RARB: variants seen among roughly 807,000 people sequenced by gnomAD.
The protein encoded by RARB is retinoic acid receptor beta.
A neutral mutation model predicts 51.9 loss-of-function variants in RARB; 17 were observed. The observed-to-expected ratio is 0.33, with a 90% CI of 0.22 to 0.49. The LOEUF (loss-of-function observed/expected upper bound fraction) is 0.49. RARB is among the 20% of genes least tolerant of loss of function. RARB has a pLI of 0.99. For missense variants in RARB, 369 were observed against 550.8 expected (o/e 0.67, Z 3.30); for synonymous variants, 215 against 195.4 (o/e 1.10, Z -0.84).
Position 24,970,764 on chromosome 3 carries a change from T to A in RARB, c.-379-89361T>A, listed in dbSNP as rs563521786. On this transcript the variant is annotated intron_variant, in intron 2 of 11. Transcript: ENST00000383772. ...TCATGAATACTTTGTGTGGAGTAATTCTAGTTCATAAACTTATATTTCTGA... is the reference window on the plus strand; with the variant it reads ...TCATGAATACTTTGTGTGGAGTAATACTAGTTCATAAACTTATATTTCTGA... Among the ~76,000 whole-genome samples the A allele has an allele frequency of 5.9e-5, 9 of 152,110 alleles. No homozygotes were observed. The South Asian group carries it at 1.9e-3, about 32-fold the overall frequency.
At chr3:24,843,431 C>T (rs1042672921) in intron 1 of RARB, among the ~76,000 whole-genome samples, 1 of 152,180 alleles carries the variant, frequency 6.6e-6, no homozygotes, top group African/African-American at 2.4e-5. Context: ...TACATTTTCT[C>T]ACCTGTAAAA....
chr3:25,058,405 G>A (rs898391986), intron 2 of RARB, among the ~76,000 whole-genome samples: 1 of 151,672 alleles, frequency 6.6e-6, no homozygotes, highest in African/African-American at 2.4e-5. Context: ...ATGACTTTTG[G>A]TTTTAAAATT....
chr3:25,057,095 G>C (rs1051911811), intron 2 of RARB, among the ~76,000 whole-genome samples: 2 of 152,054 alleles, frequency 1.3e-5, no homozygotes, highest in Admixed American at 1.3e-4. Context: ...CAAAGTCTGA[G>C]CTTTCAGTCT....
intron 5 of RARB, among the ~76,000 whole-genome samples, chr3:25,232,912 C>T (rs1011356364): frequency 2.6e-5 from 4 of 151,410 alleles, no homozygotes; most frequent in Admixed American, 2.6e-4. Context: ...ACATTTAAGG[C>T]AGGCTAGACT....
chr3:25,492,343 T>G (rs1473794715), intron 2 of RARB, among the ~76,000 whole-genome samples: 1 of 152,240 alleles, frequency 6.6e-6, no homozygotes, highest in African/African-American at 2.4e-5. Context: ...TACTATTGGT[T>G]TCCAGTTTAC....
At chr3:25,363,774 A>G (rs1405928877) in intron 5 of RARB, among the ~76,000 whole-genome samples, 8 of 151,962 alleles carry the variant, frequency 5.3e-5, no homozygotes, top group African/African-American at 1.7e-4. Flanking sequence ...GTGGCCCCTC[A>G]TTCCTCTCAA....
chr3:25,561,339 G>T (rs1016937646), intron 3 of RARB, among the ~76,000 whole-genome samples: 10 of 152,152 alleles, frequency 6.6e-5, no homozygotes, highest in African/African-American at 2.4e-4. Context: ...ATTTGGGCAC[G>T]TGTTACTGTT....
chr3:24,993,880 C>T (rs1220245185), intron 2 of RARB, among the ~76,000 whole-genome samples: 1 of 152,112 alleles, frequency 6.6e-6, no homozygotes, highest in Non-Finnish European at 1.5e-5. Context: ...TGTATATATA[C>T]CATGCTTTCT....
chr3:25,336,069 GAA>G (rs1255174007), intron 5 of RARB, among the ~76,000 whole-genome samples: 3 of 132,092 alleles, frequency 2.3e-5, no homozygotes, highest in East Asian at 4.4e-4. Flanking sequence ...ACTGGGGAGG[GAA>G]AAAAAAAAAA....
At chr3:25,157,313 C>T (rs531785043) in intron 4 of RARB, among the ~76,000 whole-genome samples, 2 of 150,176 alleles carry the variant, frequency 1.3e-5, no homozygotes, top group African/African-American at 4.9e-5. Context: ...ATAATTAGTG[C>T]TTCCTTAGTG....
intron 2 of RARB, among the ~76,000 whole-genome samples, chr3:24,912,391 A>C (rs559360098): frequency 2.0e-5 from 3 of 152,340 alleles, no homozygotes; most frequent in Admixed American, 2.0e-4. Flanking sequence ...CATGTAATAT[A>C]CTTAATACAA....
At chr3:24,910,808 C>G (rs948410363) in intron 2 of RARB, among the ~76,000 whole-genome samples, 4 of 152,186 alleles carry the variant, frequency 2.6e-5, no homozygotes, top group Non-Finnish European at 5.9e-5. Flanking sequence ...CCCAAAATGA[C>G]ATATATTGCT....
At chr3:25,030,779 A>C (rs1316803536) in intron 2 of RARB, among the ~76,000 whole-genome samples, 1 of 152,220 alleles carries the variant, frequency 6.6e-6, no homozygotes, top group Non-Finnish European at 1.5e-5. Flanking sequence ...TGCATTTACC[A>C]AATGTGCCTG....
intron 4 of RARB, among the ~76,000 whole-genome samples, chr3:25,138,848 T>C (rs970994288): frequency 6.6e-6 from 1 of 152,206 alleles, no homozygotes; most frequent in Non-Finnish European, 1.5e-5. Context: ...TTGTATATTT[T>C]ACAAATTGAA....
intron 2 of RARB, among the ~76,000 whole-genome samples, chr3:25,493,560 T>C (rs183692343): frequency 1.4e-3 from 220 of 152,342 alleles, no homozygotes; most frequent in Non-Finnish European, 2.4e-3. Flanking sequence ...GTCATTTGGT[T>C]ACTTTTTTAT....
intron 2 of RARB, among the ~76,000 whole-genome samples, chr3:25,482,006 TAAC>T (rs140888351): frequency 0.016 from 2,459 of 152,260 alleles, 28 homozygotes; most frequent in East Asian, 0.038. Flanking sequence ...ACACAGCTAA[TAAC>T]AGGCAGAGGC....
At chr3:24,844,470 A>G (rs1312890402) in intron 1 of RARB, among the ~76,000 whole-genome samples, 2 of 152,144 alleles carry the variant, frequency 1.3e-5, no homozygotes, top group East Asian at 1.9e-4. Flanking sequence ...TCGGTTTCAA[A>G]TTTCCAAGTT....
intron 4 of RARB, among the ~76,000 whole-genome samples, chr3:25,578,965 T>C (rs1357806989): frequency 6.6e-6 from 1 of 152,258 alleles, no homozygotes; most frequent in South Asian, 2.1e-4. Context: ...ATTACAAATA[T>C]CTCATCATTT....
chr3:25,527,914 T>G (rs768053226), intron 3 of RARB, among the ~76,000 whole-genome samples: 2 of 152,282 alleles, frequency 1.3e-5, no homozygotes, highest in Admixed American at 6.5e-5. Flanking sequence ...TACCTCAGTG[T>G]CTCCTACTCA....
Sources: gnomAD v4.1 joint callset for allele counts (sites outside exome capture counted in the v4.1 genomes callset) on GRCh38, gnomAD v4.1.1 for gene constraint, MANE v1.5 for transcripts, NCBI Gene and HGNC (gene_info 2026-07-23, HGNC 2026-07-21) for gene names.